The following TRAK1 variants were observed in gnomAD, a reference collection of about 807,000 sequenced individuals.
The protein encoded by TRAK1 is trafficking kinesin-binding protein 1.
Under a neutral mutation model 92.1 loss-of-function variants are expected in TRAK1, and 33 were observed. The observed-to-expected ratio is 0.36, with a 90% CI of 0.27 to 0.48. The LOEUF (loss-of-function observed/expected upper bound fraction) is 0.48. Among genes scored for constraint, TRAK1 ranks in the 20% least tolerant of loss-of-function variants. The pLI is 0.99. For missense variants in TRAK1, 1,123 were observed against 1,257.9 expected, an observed-to-expected ratio of 0.89 and a Z score of 1.62; for synonymous variants, 521 against 517.3, an observed-to-expected ratio of 1.01 and a Z score of -0.10.
At chr3:42,194,747 G>A in intron 9 of TRAK1, 57 bp from the exon 10 acceptor site, 1 of 1,590,388 alleles carries the variant, frequency 6.3e-7, no homozygotes, top group Non-Finnish European at 8.6e-7. Context: ...ATGGGCAGAT[G>A]TGTGTACACC....
chr3:42,097,908 T>G (rs1340112431), intron 1 of TRAK1, among the ~76,000 whole-genome samples: 1 of 152,230 alleles, frequency 6.6e-6, no homozygotes, highest in Non-Finnish European at 1.5e-5. Flanking sequence ...AGGTCTCACC[T>G]TGTAAACTGC....
In TRAK1 at chr3:42,184,669, C is replaced by G; in HGVS notation, c.364-16C>G. The stretch of plus-strand genomic sequence containing the variant: ...CAGGTCTTTTGAATCTCTGTTCTCC[C>G]TCTTTCCTTTTGTAGAAAGAGCGGG... On this transcript the variant is annotated splice_polypyrimidine_tract_variant and intron_variant, in intron 3 of 15. Coordinates refer to ENST00000327628, the MANE Select transcript of TRAK1 (RefSeq NM_001042646.3). 6.2e-7 allele frequency: 1 copy of G among 1,612,812 alleles called. No individual in the cohort carries two copies. Among genetic ancestry groups the G allele is most frequent in the Non-Finnish European group, 8.5e-7 (1 of 1,179,160 alleles).
rs549537713 is a variant in TRAK1, at chr3:42,160,073, C to T, written c.287-16741C>T. 5 of 872,246 alleles carry T rather than the reference C, an allele frequency of 5.7e-6. No individual in the cohort carries two copies. In the South Asian group the frequency reaches 1.9e-4, roughly 33 times the overall value. The allele number at this position is 872,246 out of a possible 1,614,324, so 54.0% of individuals were successfully genotyped here. Reference sequence around the variant, plus strand: ...CCTGCAGGGCTTTCCTCTGAATCTCCTGCGCCTAGCAGGGCATTCCCACCC... The same window carrying T: ...CCTGCAGGGCTTTCCTCTGAATCTCTTGCGCCTAGCAGGGCATTCCCACCC... On this transcript the variant is annotated intron_variant, in intron 2 of 15. Coordinates refer to ENST00000327628, the MANE Select transcript of TRAK1 (RefSeq NM_001042646.3).
At chr3:42,026,021 T>G (rs1443186213) in intron 1 of TRAK1, among the ~76,000 whole-genome samples, 1 of 152,208 alleles carries the variant, frequency 6.6e-6, no homozygotes, top group Non-Finnish European at 1.5e-5. Context: ...TGTTTGTTCT[T>G]TCTTCTTTCT....
rs112824780 is a variant in TRAK1 at position 42,143,000 on chromosome 3, T to C, written c.286+17386T>C. On this transcript the variant is annotated intron_variant, in intron 2 of 15. Transcript: ENST00000327628. ...TTGCAGGTCCCTCTTGATTTTTCCC[T>C]GCCCGAAGACTTGGAATCAGCCACT... 6.0e-3 allele frequency among the ~76,000 whole-genome samples: 912 copies of C among 152,334 alleles called. 15 individuals carry two copies. The highest frequency in any genetic ancestry group is 0.021 in the African/African-American group (855 of 41,566).
At chr3:42,160,420 A>T (rs755279519) in intron 2 of TRAK1, 2 of 1,614,108 alleles carry the variant, frequency 1.2e-6, no homozygotes, top group South Asian at 2.2e-5. Context: ...TGCCAGGATG[A>T]AGAGAGGAAG....
At chr3:42,081,710 A>G (rs993752847) in intron 1 of TRAK1, among the ~76,000 whole-genome samples, 4 of 152,240 alleles carry the variant, frequency 2.6e-5, no homozygotes, top group African/African-American at 9.6e-5. Context: ...ATACTATAGT[A>G]GAACCAAGAA....
chr3:42,201,237 T>C (rs1707506615), intron 12 of TRAK1, among the ~76,000 whole-genome samples, 183 bp downstream of exon 12: 1 of 152,092 alleles, frequency 6.6e-6, no homozygotes, highest in Admixed American at 6.5e-5. Context: ...GGCGGGAGGA[T>C]TGCCTGAGCT....
At chr3:42,061,184 G>T (rs571226280) in intron 1 of TRAK1, among the ~76,000 whole-genome samples, 2 of 152,184 alleles carry the variant, frequency 1.3e-5, no homozygotes, top group African/African-American at 4.8e-5. Context: ...CCTTGACCCA[G>T]CTTCCTCTAA....
intron 4 of TRAK1, among the ~76,000 whole-genome samples, chr3:42,186,805 A>G (rs552984373): frequency 6.6e-6 from 1 of 152,030 alleles, no homozygotes; most frequent in Admixed American, 6.5e-5. Flanking sequence ...TCCCTTTGGC[A>G]TATTATTAAA....
At chr3:42,160,395 T>G in intron 2 of TRAK1, 4 of 1,614,144 alleles carry the variant, frequency 2.5e-6, no homozygotes, top group Non-Finnish European at 3.4e-6. Context: ...GGAAGAAGAA[T>G]GTTTTGAATA....
chr3:42,071,198 G>GC (rs1703917489), intron 1 of TRAK1, among the ~76,000 whole-genome samples: 1 of 152,214 alleles, frequency 6.6e-6, no homozygotes, highest in Non-Finnish European at 1.5e-5. Flanking sequence ...TGCAGTGAAA[G>GC]CCAGGACCTA....
chr3:42,146,266 C>T, intron 2 of TRAK1: 1 of 300,896 alleles, frequency 3.3e-6, no homozygotes, highest in Non-Finnish European at 6.8e-6. Context: ...AGCAATATTG[C>T]CGTTCACCCA....
At chr3:42,215,222 G>A (rs1709537724) in intron 14 of TRAK1, among the ~76,000 whole-genome samples, 1 of 152,146 alleles carries the variant, frequency 6.6e-6, no homozygotes, top group African/African-American at 2.4e-5. Context: ...AGTCTTTTAG[G>A]AAGAGATAAA....
intron 1 of TRAK1, among the ~76,000 whole-genome samples, chr3:42,059,397 G>T (rs1190019305): frequency 6.6e-6 from 1 of 152,200 alleles, no homozygotes; most frequent in Non-Finnish European, 1.5e-5. Context: ...GATAGGACCT[G>T]AGTTAACCAT....
intron 1 of TRAK1, among the ~76,000 whole-genome samples, chr3:42,121,608 C>T (rs575692056): frequency 1.3e-4 from 20 of 152,186 alleles, no homozygotes; most frequent in Admixed American, 6.5e-4. Flanking sequence ...TGATGTCAGG[C>T]CTTGGATGTG....
Position 42,069,029 on chromosome 3 carries a change from C to T in TRAK1, c.-518-18075C>T, listed in dbSNP as rs1007489667. On this transcript the variant is annotated intron_variant, in intron 1 of 16. Coordinates refer to the TRAK1 transcript ENST00000487159. ...TGTAGTCATGGTTAGGAAATGTGCTCATGTCAGGCTGTTTAAAAGTTGTGG... is the reference window on the plus strand; with the variant it reads ...TGTAGTCATGGTTAGGAAATGTGCTTATGTCAGGCTGTTTAAAAGTTGTGG... Among the ~76,000 whole-genome samples, 3 of 152,070 alleles carry T rather than the reference C, an allele frequency of 2.0e-5. No individual in the cohort carries two copies. The South Asian group carries it at 6.2e-4, about 31-fold the overall frequency.
intron 1 of TRAK1, among the ~76,000 whole-genome samples, chr3:42,047,827 T>TA (rs1382469586): frequency 1.3e-5 from 2 of 152,128 alleles, no homozygotes; most frequent in Non-Finnish European, 2.9e-5. Flanking sequence ...CTGTGTGTGT[T>TA]ACGTCTGCCT....
chr3:42,150,043 G>T (rs1699783052), intron 2 of TRAK1, among the ~76,000 whole-genome samples: 1 of 106,862 alleles, frequency 9.4e-6, no homozygotes, highest in Non-Finnish European at 2.2e-5. Context: ...AGCAGGCCTG[G>T]AAGACTCTGC....
Sources: allele counts gnomAD v4.1 joint callset (sites outside exome capture counted in the v4.1 genomes callset), GRCh38; gene constraint gnomAD v4.1.1; transcripts MANE v1.5; gene names NCBI Gene and HGNC (gene_info 2026-07-23, HGNC 2026-07-21).